Variants in EGFR observed in about 807,000 individuals in gnomAD.
The protein encoded by EGFR is avian erythroblastic leukemia viral (v-erb-b) oncogene homolog.
In EGFR, 58 loss-of-function variants were observed where a neutral mutation model predicts 143.0. The observed-to-expected ratio is 0.41, with a 90% CI of 0.33 to 0.50. The LOEUF is 0.50. Ranked by LOEUF, EGFR falls within the 20% of genes least tolerant of loss-of-function variation. The pLI is 0.39. For synonymous variants in EGFR, 613 were observed against 594.4 expected, an observed-to-expected ratio of 1.03 and a Z score of -0.45; for missense variants, 1,307 against 1,579.0, an observed-to-expected ratio of 0.83 and a Z score of 2.92.
chr7:55,080,812 T>C (rs1050943497), intron 1 of EGFR, among the ~76,000 whole-genome samples: 3 of 152,202 alleles, frequency 2.0e-5, no homozygotes, highest in Non-Finnish European at 4.4e-5. Flanking sequence ...ATATATACTG[T>C]CTCTTTATGT....
intron 1 of EGFR, among the ~76,000 whole-genome samples, chr7:55,087,147 G>T (rs748820993): frequency 2.0e-5 from 3 of 151,978 alleles, no homozygotes; most frequent in South Asian, 2.1e-4. Context: ...CAAGCGGGGG[G>T]AAGAGAGGAT....
intron 1 of EGFR, among the ~76,000 whole-genome samples, chr7:55,127,504 G>C (rs1793600555): frequency 8.0e-6 from 1 of 124,708 alleles, no homozygotes; most frequent in African/African-American, 3.1e-5. Context: ...TTAAACTAAA[G>C]CACAAATTGT....
intron 1 of EGFR, among the ~76,000 whole-genome samples, chr7:55,118,288 C>CTAT (rs1269345901): frequency 6.6e-6 from 1 of 152,206 alleles, no homozygotes; most frequent in African/African-American, 2.4e-5. Context: ...GTTGGAGATG[C>CTAT]AGATGGTCAG....
At chr7:55,146,117 G>T (rs565937271) in intron 3 of EGFR, among the ~76,000 whole-genome samples, 1 of 151,824 alleles carries the variant, frequency 6.6e-6, no homozygotes. Context: ...TTCTTGTTTC[G>T]TGTCACTCTC....
intron 1 of EGFR, among the ~76,000 whole-genome samples, chr7:55,044,211 A>G (rs2128870771): frequency 6.6e-6 from 1 of 152,384 alleles, no homozygotes; most frequent in East Asian, 1.9e-4. Context: ...CAGAGCCAGA[A>G]GAGAAACCAG....
intron 1 of EGFR, among the ~76,000 whole-genome samples, chr7:55,131,436 G>C (rs1793825924): frequency 6.6e-6 from 1 of 152,148 alleles, no homozygotes; most frequent in Admixed American, 6.5e-5. Flanking sequence ...TAATCTTTTA[G>C]GAAGGTTATT....
chr7:55,027,379 C>G (rs1427806779), intron 1 of EGFR, among the ~76,000 whole-genome samples: 1 of 152,208 alleles, frequency 6.6e-6, no homozygotes, highest in Admixed American at 6.5e-5. Context: ...TGTGCTCCTT[C>G]AGCAAAACCC....
At chr7:55,036,753 TA>T (rs1787607096) in intron 1 of EGFR, among the ~76,000 whole-genome samples, 1 of 152,126 alleles carries the variant, frequency 6.6e-6, no homozygotes, top group East Asian at 1.9e-4. Context: ...ACAAATTATA[TA>T]AAAATAGGTT....
intron 13 of EGFR, among the ~76,000 whole-genome samples, 183 bp downstream of exon 13, chr7:55,161,814 T>C (rs142542052): frequency 3.3e-4 from 50 of 152,368 alleles, no homozygotes; most frequent in Non-Finnish European, 6.2e-4. Flanking sequence ...TTTTGGCAAA[T>C]TTAAGCACAA....
At chr7:55,203,294 CA>C (rs1787941877) in intron 27 of EGFR, among the ~76,000 whole-genome samples, 1 of 150,632 alleles carries the variant, frequency 6.6e-6, no homozygotes, top group Non-Finnish European at 1.5e-5. Context: ...ACCCCACACA[CA>C]TACACATATA....
At chr7:55,121,745 A>T (rs1367784455) in intron 1 of EGFR, among the ~76,000 whole-genome samples, 5 of 152,270 alleles carry the variant, frequency 3.3e-5, no homozygotes, top group Admixed American at 3.3e-4. Context: ...AATCGAAGTT[A>T]ATATTAGAAG....
At chr7:55,096,709 G>A (rs1273835722) in intron 1 of EGFR, among the ~76,000 whole-genome samples, 1 of 152,148 alleles carries the variant, frequency 6.6e-6, no homozygotes, top group Non-Finnish European at 1.5e-5. Flanking sequence ...CCACTGAAAA[G>A]AAACTCCCCA....
intron 19 of EGFR, among the ~76,000 whole-genome samples, chr7:55,176,599 G>A (rs1786599988): frequency 6.6e-6 from 1 of 151,908 alleles, no homozygotes; most frequent in Non-Finnish European, 1.5e-5. Context: ...CATGCCTGTA[G>A]TCCCAGCCAC....
rs1391092773 is a variant in EGFR, at chr7:55,119,462, A to G, written c.89-22824A>G. 2.0e-5 allele frequency: 3 copies of G among 152,368 alleles called. No individual in the cohort carries two copies. The South Asian group carries it at 6.2e-4, about 32-fold the overall frequency. The allele number at this position is 152,368 out of a possible 1,614,324, so 9.4% of individuals were successfully genotyped here. A position where few individuals can be genotyped will look rare whatever the true frequency, so the allele number is the denominator to read the frequency against. On this transcript the variant is annotated intron_variant, in intron 1 of 27. Transcript: ENST00000275493. ...ACTATTTGGAAACTAGAATTTCAGC[A>G]TAATTGGAGTTGGTGTTACCCTAGC...
At chr7:55,153,518 G>C (rs1228601971) in intron 6 of EGFR, among the ~76,000 whole-genome samples, 1 of 152,206 alleles carries the variant, frequency 6.6e-6, no homozygotes, top group Non-Finnish European at 1.5e-5. Context: ...TGAGCCCCAG[G>C]GAGAAGACTG....
intron 1 of EGFR, among the ~76,000 whole-genome samples, chr7:55,055,920 C>T (rs905177563): frequency 1.8e-4 from 28 of 152,242 alleles, no homozygotes; most frequent in African/African-American, 6.0e-4. Flanking sequence ...TGCCTGAATG[C>T]ATGGATGGCG....
chr7:55,036,023 C>T (rs1298254211), intron 1 of EGFR, among the ~76,000 whole-genome samples: 3 of 151,788 alleles, frequency 2.0e-5, no homozygotes, highest in Admixed American at 6.6e-5. Context: ...GAACTCATAG[C>T]CTTTCACAGC....
At position 55,204,514 on chromosome 7, in the gene EGFR, CAT is replaced by C. The variant is rs1238016282; in HGVS notation, c.3272-738_3272-737del. On this transcript the variant is annotated intron_variant, in intron 27 of 27. Coordinates refer to ENST00000275493, the MANE Select transcript of EGFR (RefSeq NM_005228.5). ...CACAAAAACCCCACACACACACAAA[CAT>C]ATACACCCCACACATACGCATATAT... is the stretch of plus-strand genomic sequence containing the variant. Among the ~76,000 whole-genome samples the C allele has an allele frequency of 3.5e-5, 5 of 142,376 alleles. No homozygotes were observed. In the East Asian group the frequency reaches 1.1e-3, roughly 33 times the overall value. The allele number at this position is 142,376 out of a possible 152,430, so 93.4% of individuals were successfully genotyped here. A position where few individuals can be genotyped will look rare whatever the true frequency, so the allele number is the denominator to read the frequency against.
chr7:55,169,257 C>T (rs1330450734), intron 15 of EGFR, among the ~76,000 whole-genome samples: 3 of 152,096 alleles, frequency 2.0e-5, no homozygotes, highest in East Asian at 1.9e-4. Context: ...CCTGCCACCA[C>T]GCCTGGCTAA....
Sources: allele counts gnomAD v4.1 joint callset (sites outside exome capture counted in the v4.1 genomes callset), GRCh38; gene constraint gnomAD v4.1.1; transcripts MANE v1.5; gene names NCBI Gene and HGNC (gene_info 2026-07-23, HGNC 2026-07-21).